The following FAM13A variants were observed in gnomAD, a reference collection of about 807,000 sequenced individuals.
FAM13A encodes family with sequence similarity 13 member A.
A neutral mutation model predicts 129.6 loss-of-function variants in FAM13A; 76 were observed. The ratio of observed to expected loss-of-function variants is 0.59; its 90% confidence interval spans 0.49 to 0.71. The LOEUF is 0.71. Ranked by LOEUF, FAM13A falls within the 30% of genes least tolerant of loss-of-function variation. The pLI, the probability that FAM13A is intolerant of heterozygous loss-of-function variation, is 0.00. For synonymous variants in FAM13A, 443 were observed against 449.9 expected, an observed-to-expected ratio of 0.98 and a Z score of 0.20; for missense variants, 1,108 against 1,249.3, an observed-to-expected ratio of 0.89 and a Z score of 1.70.
chr4:88,737,086 A>G (rs1351754143), intron 21 of FAM13A, among the ~76,000 whole-genome samples: 5 of 152,258 alleles, frequency 3.3e-5, no homozygotes, highest in Non-Finnish European at 7.3e-5. Flanking sequence ...AAGTTGGTCT[A>G]ATGAGCTAAT....
At chr4:88,846,469 C>A (rs906698989) in intron 7 of FAM13A, among the ~76,000 whole-genome samples, 1 of 152,178 alleles carries the variant, frequency 6.6e-6, no homozygotes, top group African/African-American at 2.4e-5. Flanking sequence ...GACCTTTATT[C>A]CTGCCACCAT....
At chr4:89,033,573 A>G (rs1444273093) in intron 1 of FAM13A, among the ~76,000 whole-genome samples, 2 of 152,236 alleles carry the variant, frequency 1.3e-5, no homozygotes, top group African/African-American at 4.8e-5. Flanking sequence ...AACAAATTCC[A>G]TATTCTTGTA....
At chr4:88,927,273 G>A (rs1561360249) in intron 5 of FAM13A, among the ~76,000 whole-genome samples, 1 of 151,496 alleles carries the variant, frequency 6.6e-6, no homozygotes, top group Non-Finnish European at 1.5e-5. Flanking sequence ...GGTCCTTAAT[G>A]GTATATAGAA....
chr4:88,876,816 T>C (rs527576552), intron 6 of FAM13A, among the ~76,000 whole-genome samples: 12 of 152,190 alleles, frequency 7.9e-5, no homozygotes, highest in Non-Finnish European at 8.8e-5. Context: ...TGGTCTCGAT[T>C]TCCTGACCTC....
chr4:88,965,556 T>C (rs577497688), intron 4 of FAM13A, among the ~76,000 whole-genome samples: 2 of 141,774 alleles, frequency 1.4e-5, no homozygotes, highest in African/African-American at 2.6e-5. Flanking sequence ...CTATCTTATA[T>C]GTAGTTTTTT....
At chr4:88,979,945 T>A (rs1289307700) in intron 4 of FAM13A, among the ~76,000 whole-genome samples, 5 of 152,188 alleles carry the variant, frequency 3.3e-5, no homozygotes, top group African/African-American at 1.2e-4. Flanking sequence ...CACTCCAGCC[T>A]GGGTGACTCC....
intron 4 of FAM13A, among the ~76,000 whole-genome samples, chr4:88,973,727 T>C (rs894829047): frequency 1.3e-5 from 2 of 152,188 alleles, no homozygotes; most frequent in Admixed American, 1.3e-4. Context: ...CTGGACATGA[T>C]GTACTGGGTA....
intron 1 of FAM13A, among the ~76,000 whole-genome samples, chr4:89,042,182 T>A (rs1770234700): frequency 6.6e-6 from 1 of 152,064 alleles, no homozygotes; most frequent in Non-Finnish European, 1.5e-5. Context: ...CATGTCCCTG[T>A]TTTCTGCCTA....
intron 5 of FAM13A, among the ~76,000 whole-genome samples, chr4:88,919,620 C>T (rs150462457): frequency 0.011 from 1,722 of 152,300 alleles, 28 homozygotes; most frequent in African/African-American, 0.039. Context: ...GCATGAGCGA[C>T]GCAGAAGACG....
At position 88,737,501 on chromosome 4, in the gene FAM13A, C is replaced by T. The variant is rs1043645766; in HGVS notation, c.2617G>A (p.Glu873Lys). The T allele has an allele frequency of 1.9e-6, 3 of 1,614,078 alleles. No individual in the cohort carries two copies. The highest frequency in any genetic ancestry group is 2.5e-6 in the Non-Finnish European group (3 of 1,179,972). ...SPLLQPIIEG[E>K]TASFFKEIKE... ...ATCTCCTTGAAGAAGGAAGCAGTTT[C>T]GCCCTCGATAATTGGCTGCAGCAAA... Residue 873 changes from glutamate to lysine, a missense_variant, in exon 21 of 24, where the codon GAA becomes AAA. Glu to Lys is a moderately conservative substitution (Grantham distance 56). Around this residue, in one of 3 missense-constraint regions of FAM13A, gnomAD observed 529 missense variants for 621.2 expected, o/e 0.85. Coordinates refer to ENST00000264344, the MANE Select transcript of FAM13A (RefSeq NM_014883.4).
At chr4:88,929,139 A>G (rs1051299603) in intron 5 of FAM13A, among the ~76,000 whole-genome samples, 2 of 151,576 alleles carry the variant, frequency 1.3e-5, no homozygotes, top group African/African-American at 4.8e-5. Context: ...TCCTTCATCT[A>G]TGAAGTATAT....
intron 6 of FAM13A, among the ~76,000 whole-genome samples, chr4:88,888,936 C>CA (rs896287129): frequency 0.21 from 13,724 of 65,036 alleles, 995 homozygotes; most frequent in Non-Finnish European, 0.25. Context: ...ACTCCGTCTC[C>CA]AAAAAAAAAA....
chr4:88,756,096 G>C (rs1743568708), intron 14 of FAM13A, among the ~76,000 whole-genome samples: 1 of 152,180 alleles, frequency 6.6e-6, no homozygotes, highest in Non-Finnish European at 1.5e-5. Context: ...CAACTCTGAA[G>C]AGCTTTAAAT....
intron 8 of FAM13A, among the ~76,000 whole-genome samples, chr4:88,803,080 C>T (rs914665267): frequency 3.9e-5 from 6 of 152,212 alleles, no homozygotes; most frequent in Admixed American, 6.5e-5. Context: ...GCCCTATCCG[C>T]TCCATGGCTG....
chr4:88,813,634 A>C (rs375620796), intron 7 of FAM13A, among the ~76,000 whole-genome samples: 14 of 152,300 alleles, frequency 9.2e-5, no homozygotes, highest in South Asian at 6.2e-4. Flanking sequence ...CCAAACTGTT[A>C]ACTCTGAATG....
chr4:89,003,660 TAA>T (rs879498780), intron 3 of FAM13A, among the ~76,000 whole-genome samples: 2 of 144,746 alleles, frequency 1.4e-5, no homozygotes, highest in African/African-American at 2.5e-5. Context: ...TACATGTATG[TAA>T]AAAAAAAAAG....
chr4:88,858,688 G>C (rs1048379839), intron 6 of FAM13A, among the ~76,000 whole-genome samples: 1 of 152,170 alleles, frequency 6.6e-6, no homozygotes, highest in Non-Finnish European at 1.5e-5. Flanking sequence ...TCTAGAACAC[G>C]CAAATCCAGA....
Position 88,935,825 on chromosome 4 carries a change from T to C in FAM13A, c.759+2263A>G, listed in dbSNP as rs189673683. ...GCACATCCTTTTGAAATGATTTCCA[T>C]AACTTCTATTTCATCCTTACTCGTT... is the stretch of plus-strand genomic sequence containing the variant. On this transcript the variant is annotated intron_variant, in intron 5 of 23. Transcript: ENST00000264344. 2.2e-4 allele frequency among the ~76,000 whole-genome samples: 34 copies of C among 152,326 alleles called. No homozygotes were observed. In the East Asian group the frequency reaches 4.4e-3, roughly 20 times the overall value.
At chr4:88,956,905 A>G (rs1215964651) in intron 4 of FAM13A, among the ~76,000 whole-genome samples, 2 of 152,178 alleles carry the variant, frequency 1.3e-5, no homozygotes, top group Non-Finnish European at 2.9e-5. Flanking sequence ...TTATAACCCC[A>G]AATGTTGGAG....
Sources: allele counts gnomAD v4.1 joint callset (sites outside exome capture counted in the v4.1 genomes callset), GRCh38; gene constraint gnomAD v4.1.1; regional missense constraint gnomAD v4.1.1; transcripts MANE v1.5; gene names NCBI Gene and HGNC (gene_info 2026-07-23, HGNC 2026-07-21).